ECD: variants seen among roughly 807,000 people sequenced by gnomAD.
ECD encodes the protein ecdysoneless cell cycle regulator.
ECD carries 59 observed loss-of-function variants against 77.2 expected under a neutral mutation model. The observed-to-expected ratio is 0.76, with a 90% confidence interval of 0.62 to 0.95. The LOEUF is 0.95. Among genes scored for constraint, ECD ranks in the 40% least tolerant of loss-of-function variants. ECD has a pLI of 0.00. For synonymous variants in ECD, 233 were observed against 267.4 expected (o/e 0.87, Z 1.26); for missense variants, 704 against 763.4 (o/e 0.92, Z 0.92).
In ECD at chr10:73,163,716, A is replaced by G. The variant is rs763119049; in HGVS notation, c.205+17T>C. 2.0e-5 allele frequency: 33 copies of G among 1,612,106 alleles called. No homozygotes were observed. Among genetic ancestry groups the G allele is most frequent in the Non-Finnish European group, 2.7e-5 (32 of 1,178,900 alleles). ...CATTAAAAGTCACACTAATCCAAAC[A>G]AGTAAAAGAGCCTTACCTTTCCCAG... On this transcript the variant is annotated intron_variant, in intron 2 of 13. Transcript: ENST00000372979.
At chr10:73,148,527 G>A in intron 7 of ECD, 123 bp from the exon 8 acceptor site, 2 of 1,019,860 alleles carry the variant, frequency 2.0e-6, no homozygotes, top group East Asian at 2.8e-5. Context: ...ATGGGCATTT[G>A]GACAATTATA....
At chr10:73,156,941 G>A (rs1372926758) in intron 3 of ECD, among the ~76,000 whole-genome samples, 1 of 151,764 alleles carries the variant, frequency 6.6e-6, no homozygotes, top group Non-Finnish European at 1.5e-5. Context: ...AGTACTATAG[G>A]GTTCCAAAAG....
chr10:73,139,856 T>A, intron 9 of ECD, 119 bp from the exon 10 acceptor site: 1 of 675,524 alleles, frequency 1.5e-6, no homozygotes. Context: ...AGTGTTTTTT[T>A]TTTTTTTTTT....
intron 6 of ECD, 122 bp from the exon 7 acceptor site, chr10:73,152,543 A>T: frequency 8.6e-7 from 1 of 1,162,076 alleles, no homozygotes; most frequent in Non-Finnish European, 1.2e-6. Context: ...AAATGCAAAG[A>T]AGATTCAACC....
In ECD at chr10:73,136,925, A is replaced by C. The variant is rs988544400; in HGVS notation, c.1490-7T>G. On this transcript the variant is annotated splice_polypyrimidine_tract_variant and splice_region_variant and intron_variant, in intron 12 of 13. Coordinates refer to ENST00000372979, the MANE Select transcript of ECD (RefSeq NM_007265.3). ...GACTCATTAGGCCTTGGCCCTACAC[A>C]GATCCCAAGAAAGAAAGAGCCACTT... 7.5e-6 allele frequency: 11 copies of C among 1,461,988 alleles called. No homozygotes were observed. The South Asian group carries it at 9.7e-5, about 13-fold the overall frequency. The allele number at this position is 1,461,988 out of a possible 1,614,324, so 90.6% of individuals were successfully genotyped here.
In ECD at chr10:73,141,776, T is replaced by C. The variant is rs142960729; in HGVS notation, c.1128-2039A>G. Among the ~76,000 whole-genome samples, 403 of 152,312 alleles carry C rather than the reference T, an allele frequency of 2.6e-3. 1 individual carries two copies. Among genetic ancestry groups the C allele is most frequent in the African/African-American group, 9.2e-3 (383 of 41,568 alleles). ...TATTAATAATACAGAGTAGAGACAG[T>C]TCCCCATCACCTACGTGATTTTGCA... On this transcript the variant is annotated intron_variant, in intron 9 of 13. Transcript: ENST00000372979.
chr10:73,154,327 G>C lies in ECD; in HGVS notation c.712C>G (p.Arg238Gly). The C allele has an allele frequency of 6.2e-7, 1 of 1,614,084 alleles. No homozygotes were observed. Among genetic ancestry groups the C allele is most frequent in the Non-Finnish European group, 8.5e-7 (1 of 1,180,016 alleles). ...CAAGCTCGCAGGTCAATAGGGTCTC[G>C]TAGGTAAAATGCCTGGACTGCTGCA... is the stretch of plus-strand genomic sequence containing the variant. ...VAAAVQAFYL[R>G]DPIDLRACRV... The change falls in exon 6 of 14, where the codon CGA (arginine) becomes GGA (glycine). Residue 238 changes from arginine to glycine, a missense_variant. Physicochemically the swap from Arg to Gly is moderately radical, Grantham distance 125. Coordinates refer to ENST00000372979, the MANE Select transcript of ECD (RefSeq NM_007265.3).
At chr10:73,160,283 C>CAA (rs11338418) in intron 3 of ECD, 151 bp downstream of exon 3, 894 of 292,652 alleles carry the variant, frequency 3.1e-3, no homozygotes, top group Middle Eastern at 4.3e-3. Flanking sequence ...AAGACTGTCT[C>CAA]AAAAAAAAAA....
intron 9 of ECD, among the ~76,000 whole-genome samples, chr10:73,145,259 G>A (rs2133255177): frequency 6.6e-6 from 1 of 152,140 alleles, no homozygotes; most frequent in South Asian, 2.1e-4. Flanking sequence ...AGCTACTTGG[G>A]AGGCTGAGGC....
At chr10:73,151,137 CAAT>C (rs1843196446) in intron 7 of ECD, among the ~76,000 whole-genome samples, 1 of 151,964 alleles carries the variant, frequency 6.6e-6, no homozygotes, top group South Asian at 2.1e-4. Flanking sequence ...AAATGTCCAA[CAAT>C]GATAGACTGG....
intron 9 of ECD, among the ~76,000 whole-genome samples, chr10:73,140,953 C>T (rs147155362): frequency 2.6e-5 from 4 of 151,200 alleles, no homozygotes; most frequent in East Asian, 3.9e-4. Flanking sequence ...ATTTTATATA[C>T]GAGGAAAAGA....
chr10:73,134,443 AT>A lies in ECD; in HGVS notation c.*139del, dbSNP rs991340833. Reference sequence around the variant, plus strand: ...CAAAGACTTGTGCCAAGAGGGCCACATTTGGGGCTCATGGAGAAGTCAATCT... The same window carrying A: ...CAAAGACTTGTGCCAAGAGGGCCACATTGGGGCTCATGGAGAAGTCAATCT... On this transcript the variant is annotated 3_prime_UTR_variant, in exon 14 of 14. Coordinates refer to ENST00000372979, the MANE Select transcript of ECD (RefSeq NM_007265.3). The A allele has an allele frequency of 1.1e-5, 9 of 820,522 alleles. No individual in the cohort carries two copies. The African/African-American group carries it at 1.4e-4, about 13-fold the overall frequency. 50.8% of individuals were successfully genotyped at this position (820,522 alleles called of 1,614,324 possible).
In ECD at chr10:73,154,486, T is replaced by C. The variant is rs1293146579; in HGVS notation, c.591-38A>G. ...ACATAATTACTTTCATTTTACAGTATATAAATACCTATAATTCTTATACCA... is the reference window on the plus strand; with the variant it reads ...ACATAATTACTTTCATTTTACAGTACATAAATACCTATAATTCTTATACCA... On this transcript the variant is annotated intron_variant, in intron 5 of 13. Coordinates refer to ENST00000372979, the MANE Select transcript of ECD (RefSeq NM_007265.3). The C allele has an allele frequency of 3.9e-6, 6 of 1,519,286 alleles. No homozygotes were observed. The Admixed American group carries it at 1.0e-4, about 26-fold the overall frequency. 94.1% of individuals were successfully genotyped at this position (1,519,286 alleles called of 1,614,324 possible).
chr10:73,134,856 T>C, intron 13 of ECD, 43 bp from the exon 14 acceptor site: 1 of 1,515,242 alleles, frequency 6.6e-7, no homozygotes. Flanking sequence ...TAATGTATCA[T>C]TAGGTTGCAT....
intron 3 of ECD, 76 bp from the exon 4 acceptor site, chr10:73,156,731 A>G (rs557183325): frequency 7.4e-7 from 1 of 1,345,014 alleles, no homozygotes; most frequent in Non-Finnish European, 1.1e-6. Context: ...TCATTCTAAT[A>G]CATTTTCCTC....
At chr10:73,158,212 C>T (rs959242515) in intron 3 of ECD, among the ~76,000 whole-genome samples, 1 of 151,942 alleles carries the variant, frequency 6.6e-6, no homozygotes, top group African/African-American at 2.4e-5. Context: ...GCTTCCGCTT[C>T]GACTTCCCAA....
intron 1 of ECD, among the ~76,000 whole-genome samples, chr10:73,165,389 T>C (rs771048759): frequency 2.6e-5 from 4 of 151,972 alleles, no homozygotes; most frequent in Admixed American, 1.3e-4. Flanking sequence ...TCTCGCTCTG[T>C]CGCCCAGGCT....
intron 9 of ECD, among the ~76,000 whole-genome samples, chr10:73,140,024 G>A (rs925526947): frequency 2.6e-5 from 4 of 151,762 alleles, no homozygotes; most frequent in Non-Finnish European, 4.4e-5. Flanking sequence ...TCACTCTGTC[G>A]CCCAGGCTGG....
intron 9 of ECD, among the ~76,000 whole-genome samples, chr10:73,145,831 T>C (rs958361578): frequency 6.6e-6 from 1 of 151,984 alleles, no homozygotes; most frequent in East Asian, 1.9e-4. Context: ...TTTTAGTAGA[T>C]ACGGGGTTTC....
Sources: gnomAD v4.1 joint callset for allele counts (sites outside exome capture counted in the v4.1 genomes callset) on GRCh38, gnomAD v4.1.1 for gene constraint, MANE v1.5 for transcripts, NCBI Gene and HGNC (gene_info 2026-07-23, HGNC 2026-07-21) for gene names.